Variants in PCCA observed in about 807,000 individuals in gnomAD.
PCCA encodes propionyl-CoA carboxylase alpha chain, mitochondrial.
A neutral mutation model predicts 101.3 loss-of-function variants in PCCA; 74 were observed. The ratio of observed to expected loss-of-function variants is 0.73; its 90% CI spans 0.61 to 0.89. PCCA has a LOEUF of 0.89. Ranked by LOEUF, PCCA falls within the 40% of genes least tolerant of loss-of-function variation. The pLI, the probability that PCCA is intolerant of heterozygous loss-of-function variation, is 0.00. For synonymous variants in PCCA, 294 were observed against 313.6 expected (o/e 0.94, Z 0.66); for missense variants, 891 against 907.0 (o/e 0.98, Z 0.23).
intron 18 of PCCA, among the ~76,000 whole-genome samples, chr13:100,346,715 A>C (rs191883934): frequency 6.6e-6 from 1 of 152,292 alleles, no homozygotes; most frequent in East Asian, 1.9e-4. Context: ...GGAAGAATCA[A>C]TTGGTTTAGC....
intron 18 of PCCA, among the ~76,000 whole-genome samples, chr13:100,353,908 G>A (rs912053111): frequency 4.0e-5 from 6 of 151,560 alleles, no homozygotes; most frequent in South Asian, 2.1e-4. Context: ...AGCCAAGATC[G>A]TACTACTGTA....
At chr13:100,188,366 G>A (rs2057483236) in intron 6 of PCCA, among the ~76,000 whole-genome samples, 1 of 147,980 alleles carries the variant, frequency 6.8e-6, no homozygotes, top group African/African-American at 2.5e-5. Flanking sequence ...AATTCCATCT[G>A]GATTGCTGCA....
At chr13:100,111,196 T>G in intron 2 of PCCA, among the ~76,000 whole-genome samples, 1 of 144,554 alleles carries the variant, frequency 6.9e-6, no homozygotes, top group African/African-American at 2.6e-5. Context: ...TTTTTTTTTT[T>G]TTTTTTTTGT....
intron 7 of PCCA, among the ~76,000 whole-genome samples, chr13:100,226,549 G>A (rs931263546): frequency 2.6e-5 from 4 of 152,186 alleles, no homozygotes; most frequent in Non-Finnish European, 4.4e-5. Context: ...CTTTGTTGTA[G>A]TGTTTTCTGC....
chr13:100,300,953 T>C lies in PCCA; in HGVS notation c.1066-507T>C, dbSNP rs114534974. 2.2e-3 allele frequency among the ~76,000 whole-genome samples: 331 copies of C among 152,248 alleles called. 3 individuals carry two copies. Among genetic ancestry groups the C allele is most frequent in the African/African-American group, 7.7e-3 (320 of 41,528 alleles). The stretch of plus-strand genomic sequence containing the variant: ...CCTGAAGGATCCATCTGCTCCCTTC[T>C]GCTACACTGCCTCGATGCAAGATTA... On this transcript the variant is annotated intron_variant, in intron 12 of 23. Transcript: ENST00000376285.
chr13:100,385,691 C>T (rs532273397), intron 19 of PCCA, among the ~76,000 whole-genome samples: 1 of 152,154 alleles, frequency 6.6e-6, no homozygotes, highest in Non-Finnish European at 1.5e-5. Flanking sequence ...GGCATGATCA[C>T]GGCTGACTGC....
At chr13:100,135,310 G>A (rs1454052394) in intron 4 of PCCA, among the ~76,000 whole-genome samples, 1 of 151,930 alleles carries the variant, frequency 6.6e-6, no homozygotes, top group Non-Finnish European at 1.5e-5. Context: ...AGAATTGCTT[G>A]AGCCCAGGAG....
intron 20 of PCCA, among the ~76,000 whole-genome samples, chr13:100,431,600 C>A (rs1472306703): frequency 6.6e-6 from 1 of 152,204 alleles, no homozygotes; most frequent in East Asian, 1.9e-4. Flanking sequence ...GTATGAGTGG[C>A]TCACGCCTGT....
intron 21 of PCCA, among the ~76,000 whole-genome samples, chr13:100,454,350 C>T (rs1423298988): frequency 3.9e-5 from 6 of 152,134 alleles, no homozygotes; most frequent in Admixed American, 3.9e-4. Context: ...GTAAAATTCA[C>T]AGTACAGCAT....
At position 100,089,234 on chromosome 13, in the gene PCCA, C is replaced by A; in HGVS notation, c.105+9C>A. The A allele has an allele frequency of 6.7e-7, 1 of 1,495,262 alleles. No individual in the cohort carries two copies. 92.6% of individuals were successfully genotyped at this position (1,495,262 alleles called of 1,614,324 possible). ...CGCTGCGGACCCTGAAGGTGAGGAG[C>A]AACGGGGCCTCGCGGGTCCGGGCTT... On this transcript the variant is annotated intron_variant, in intron 1 of 23. Transcript: ENST00000376285.
chr13:100,509,103 A>T (rs910051978), intron 21 of PCCA, among the ~76,000 whole-genome samples: 1 of 152,074 alleles, frequency 6.6e-6, no homozygotes, highest in Admixed American at 6.6e-5. Context: ...TTCTTGAAAC[A>T]TTGTTTTATT....
chr13:100,375,093 CTTAT>C (rs1325743799), intron 19 of PCCA, among the ~76,000 whole-genome samples: 2 of 152,112 alleles, frequency 1.3e-5, no homozygotes, highest in Non-Finnish European at 2.9e-5. Context: ...TTTCAAAGAA[CTTAT>C]TTATTTGTGC....
chr13:100,147,036 A>G (rs1227103273), intron 4 of PCCA, among the ~76,000 whole-genome samples: 1 of 152,050 alleles, frequency 6.6e-6, no homozygotes, highest in Non-Finnish European at 1.5e-5. Flanking sequence ...TGAGTGATAA[A>G]ATTAGTTGTA....
At chr13:100,366,627 T>G (rs889697802) in intron 18 of PCCA, among the ~76,000 whole-genome samples, 1 of 151,920 alleles carries the variant, frequency 6.6e-6, no homozygotes, top group Non-Finnish European at 1.5e-5. Context: ...TTTCTTTCCC[T>G]CTCCTCCTCC....
At chr13:100,469,549 C>T (rs1438587114) in intron 21 of PCCA, among the ~76,000 whole-genome samples, 3 of 151,958 alleles carry the variant, frequency 2.0e-5, no homozygotes, top group African/African-American at 4.8e-5. Flanking sequence ...GAGGCCGAGG[C>T]GGGCGGATCA....
intron 4 of PCCA, among the ~76,000 whole-genome samples, chr13:100,152,595 C>G (rs972880805): frequency 1.3e-5 from 2 of 151,932 alleles, no homozygotes; most frequent in Middle Eastern, 3.2e-3. Context: ...TACAGGCGTC[C>G]GCCACCACGC....
intron 10 of PCCA, among the ~76,000 whole-genome samples, chr13:100,266,793 G>T (rs1448223871): frequency 1.3e-5 from 2 of 152,130 alleles, no homozygotes; most frequent in East Asian, 3.8e-4. Flanking sequence ...CCTGGGTTGG[G>T]TCTAGGGATA....
intron 4 of PCCA, among the ~76,000 whole-genome samples, chr13:100,128,198 T>C (rs183849627): frequency 4.0e-4 from 61 of 152,306 alleles, no homozygotes; most frequent in African/African-American, 1.4e-3. Flanking sequence ...GTAGTGGAGC[T>C]GAGATTCAAA....
chr13:100,289,774 G>C (rs954025519), intron 12 of PCCA, among the ~76,000 whole-genome samples: 1 of 152,102 alleles, frequency 6.6e-6, no homozygotes, highest in Admixed American at 6.6e-5. Flanking sequence ...GATTTGCTAA[G>C]ATAATTTAAT....
Sources: gnomAD v4.1 joint callset for allele counts (sites outside exome capture counted in the v4.1 genomes callset) on GRCh38, gnomAD v4.1.1 for gene constraint, MANE v1.5 for transcripts, NCBI Gene and HGNC (gene_info 2026-07-23, HGNC 2026-07-21) for gene names.